SYNDIG1: variants seen among roughly 807,000 people sequenced by gnomAD.
SYNDIG1 encodes synapse differentiation inducing 1.
A neutral mutation model predicts 19.4 loss-of-function variants in SYNDIG1; 9 were observed. The observed-to-expected ratio is 0.46, with a 90% CI of 0.28 to 0.81. The LOEUF (loss-of-function observed/expected upper bound fraction) is 0.81, where lower values mean the gene tolerates loss of function less well. SYNDIG1 is among the 30% of genes least tolerant of loss of function. The probability of loss-of-function intolerance (pLI) is 0.12; values close to 1 mark genes in which losing one functional copy is unlikely to be tolerated. For missense variants in SYNDIG1, 311 were observed against 343.3 expected (o/e 0.91, Z 0.74); for synonymous variants, 141 against 145.9 (o/e 0.97, Z 0.24).
chr20:24,557,787 C>G (rs941291756), intron 2 of SYNDIG1, among the ~76,000 whole-genome samples: 14 of 152,132 alleles, frequency 9.2e-5, no homozygotes, highest in Non-Finnish European at 1.9e-4. Context: ...TCAGTCTGCC[C>G]GTTCTCAGAT....
chr20:24,654,855 T>G (rs745955121), intron 3 of SYNDIG1, among the ~76,000 whole-genome samples: 4 of 152,006 alleles, frequency 2.6e-5, no homozygotes, highest in Non-Finnish European at 5.9e-5. Flanking sequence ...GAATTGGAAG[T>G]GAGAAGAGTA....
chr20:24,555,748 G>A (rs1486128100), intron 2 of SYNDIG1, among the ~76,000 whole-genome samples: 3 of 152,148 alleles, frequency 2.0e-5, no homozygotes, highest in East Asian at 1.9e-4. Flanking sequence ...TTTGGAATAG[G>A]TGTGGTGTGG....
At chr20:24,520,277 T>G (rs1307790000) in intron 1 of SYNDIG1, among the ~76,000 whole-genome samples, 2 of 151,072 alleles carry the variant, frequency 1.3e-5, no homozygotes, top group African/African-American at 4.8e-5. Context: ...ATATGTATAT[T>G]ATATATAATT....
chr20:24,582,611 A>G (rs986878844), intron 2 of SYNDIG1, among the ~76,000 whole-genome samples: 1 of 151,764 alleles, frequency 6.6e-6, no homozygotes, highest in Non-Finnish European at 1.5e-5. Flanking sequence ...GGAAGTGAGC[A>G]TCTCCACCTG....
intron 3 of SYNDIG1, among the ~76,000 whole-genome samples, chr20:24,628,321 C>G (rs2059189777): frequency 1.3e-5 from 2 of 152,200 alleles, no homozygotes; most frequent in Non-Finnish European, 2.9e-5. Context: ...CAAAGTACTC[C>G]TCTGCAGTCA....
chr20:24,528,688 G>A (rs1316200104), intron 1 of SYNDIG1, among the ~76,000 whole-genome samples: 1 of 152,134 alleles, frequency 6.6e-6, no homozygotes, highest in Non-Finnish European at 1.5e-5. Flanking sequence ...ACCTCTTAAT[G>A]CCATCACCTC....
intron 1 of SYNDIG1, among the ~76,000 whole-genome samples, chr20:24,493,135 G>A (rs538169971): frequency 6.6e-5 from 10 of 152,202 alleles, no homozygotes; most frequent in South Asian, 2.1e-4. Context: ...AGTCAATTTC[G>A]TTGGAAAAAT....
At chr20:24,564,075 A>G (rs1029103333) in intron 2 of SYNDIG1, among the ~76,000 whole-genome samples, 1 of 152,184 alleles carries the variant, frequency 6.6e-6, no homozygotes, top group Non-Finnish European at 1.5e-5. Context: ...TTCAGTAACA[A>G]GGCCTTGAGA....
chr20:24,497,032 A>G (rs1382919508), intron 1 of SYNDIG1, among the ~76,000 whole-genome samples: 1 of 152,128 alleles, frequency 6.6e-6, no homozygotes, highest in Non-Finnish European at 1.5e-5. Context: ...TTACTATTTC[A>G]TTGCTAGCTC....
At position 24,665,520 on chromosome 20, in the gene SYNDIG1, AG is replaced by A; in HGVS notation, c.*21del. 1 of 1,613,736 alleles carries A rather than the reference AG, an allele frequency of 6.2e-7. No homozygotes were observed. Among genetic ancestry groups the A allele is most frequent in the Non-Finnish European group, 8.5e-7 (1 of 1,179,912 alleles). On this transcript the variant is annotated 3_prime_UTR_variant, in exon 4 of 4. Transcript: ENST00000376862. ...CCACCTGTGAGCTTCCTGCGAATGG[AG>A]GGGGAGCACCCGGGGCCAGGTCTGT...
At chr20:24,594,675 G>T (rs894846188) in intron 3 of SYNDIG1, among the ~76,000 whole-genome samples, 1 of 151,888 alleles carries the variant, frequency 6.6e-6, no homozygotes, top group Non-Finnish European at 1.5e-5. Context: ...ATATTTTTTC[G>T]GTTGATTGTG....
At chr20:24,497,172 TTTTGTTTGTTTGTTTATGTG>T (rs2056324335) in intron 1 of SYNDIG1, among the ~76,000 whole-genome samples, 1 of 152,190 alleles carries the variant, frequency 6.6e-6, no homozygotes, top group Admixed American at 6.5e-5. Context: ...TTTTCTTTTC[TTTTGTTTGTTTGTTTATGTG>T]TTTTTTGTTT....
At chr20:24,502,527 A>C (rs1173083886) in intron 1 of SYNDIG1, among the ~76,000 whole-genome samples, 1 of 152,206 alleles carries the variant, frequency 6.6e-6, no homozygotes, top group Non-Finnish European at 1.5e-5. Context: ...AATCTCTCAG[A>C]ATCCTCACCC....
At chr20:24,629,510 C>T (rs927585719) in intron 3 of SYNDIG1, among the ~76,000 whole-genome samples, 13 of 152,194 alleles carry the variant, frequency 8.5e-5, no homozygotes, top group Non-Finnish European at 5.9e-5. Flanking sequence ...AGGAAGGAAA[C>T]TGACAGGAAG....
At chr20:24,626,079 C>G (rs1473356965) in intron 3 of SYNDIG1, among the ~76,000 whole-genome samples, 1 of 151,434 alleles carries the variant, frequency 6.6e-6, no homozygotes, top group Admixed American at 6.6e-5. Context: ...GGGTGGCTGG[C>G]TGGGCAGAGG....
At chr20:24,521,006 G>T (rs745395135) in intron 1 of SYNDIG1, among the ~76,000 whole-genome samples, 1 of 152,148 alleles carries the variant, frequency 6.6e-6, no homozygotes, top group Non-Finnish European at 1.5e-5. Context: ...AGCCTCTGCA[G>T]CTGTGTTCTG....
chr20:24,537,176 C>T (rs1432447024), intron 1 of SYNDIG1, among the ~76,000 whole-genome samples: 1 of 152,206 alleles, frequency 6.6e-6, no homozygotes, highest in Non-Finnish European at 1.5e-5. Context: ...TAAACACTAC[C>T]TATGCTGTTC....
At chr20:24,577,862 G>A (rs2058255087) in intron 2 of SYNDIG1, among the ~76,000 whole-genome samples, 1 of 152,226 alleles carries the variant, frequency 6.6e-6, no homozygotes, top group Admixed American at 6.5e-5. Flanking sequence ...ATTTCAGAGG[G>A]TGAAGAGAGG....
intron 3 of SYNDIG1, among the ~76,000 whole-genome samples, chr20:24,661,441 G>GA (rs2059590969): frequency 1.4e-5 from 2 of 141,190 alleles, no homozygotes; most frequent in Non-Finnish European, 1.6e-5. Context: ...GAGGAAGGAA[G>GA]GAGGAAAGAG....
Sources: gnomAD v4.1 joint callset for allele counts (sites outside exome capture counted in the v4.1 genomes callset) on GRCh38, gnomAD v4.1.1 for gene constraint, MANE v1.5 for transcripts, NCBI Gene and HGNC (gene_info 2026-07-23, HGNC 2026-07-21) for gene names.